The following TSHR variants were observed in gnomAD, a reference collection of about 807,000 sequenced individuals.
TSHR encodes the protein thyroid stimulating hormone receptor.
In TSHR, 51 loss-of-function variants were observed where a neutral mutation model predicts 64.1. The observed-to-expected ratio is 0.80, with a 90% CI of 0.64 to 1.01. TSHR has a LOEUF of 1.01. Ranked by LOEUF, TSHR falls within the 50% of genes least tolerant of loss-of-function variation. The pLI is 0.00. For missense variants in TSHR, 877 were observed against 942.8 expected, an observed-to-expected ratio of 0.93 and a Z score of 0.91; for synonymous variants, 361 against 361.9, an observed-to-expected ratio of 1.00 and a Z score of 0.03.
intron 1 of TSHR, among the ~76,000 whole-genome samples, chr14:80,977,127 G>T (rs1483963421): frequency 6.6e-6 from 1 of 152,236 alleles, no homozygotes; most frequent in African/African-American, 2.4e-5. Flanking sequence ...TCTGTGAAGT[G>T]TGTCTCTCAT....
At chr14:81,085,695 G>A (rs1421100375) in intron 3 of TSHR, among the ~76,000 whole-genome samples, 3 of 152,122 alleles carry the variant, frequency 2.0e-5, no homozygotes, top group Admixed American at 6.6e-5. Context: ...AGGACTACTC[G>A]TTCAACGACA....
intron 1 of TSHR, among the ~76,000 whole-genome samples, chr14:81,007,776 T>A (rs1297920265): frequency 6.6e-6 from 1 of 152,088 alleles, no homozygotes; most frequent in Non-Finnish European, 1.5e-5. Context: ...GTTTGTTCCT[T>A]ATAATCAATG....
intron 1 of TSHR, among the ~76,000 whole-genome samples, chr14:81,030,886 C>G (rs1280496141): frequency 6.6e-6 from 1 of 151,986 alleles, no homozygotes; most frequent in Non-Finnish European, 1.5e-5. Flanking sequence ...GGCAAATGTT[C>G]CTTTTTGGTC....
rs182271009 is a variant in TSHR, at chr14:81,101,163, A to G, written c.614+4456A>G. Among the ~76,000 whole-genome samples, 18 of 152,314 alleles carry G rather than the reference A, an allele frequency of 1.2e-4. No individual in the cohort carries two copies. In the South Asian group the frequency reaches 3.3e-3, roughly 28 times the overall value. ...CCAGGAAACAGATAAGACCAAATAC[A>G]TATTTCACAATATTACACTACTGAA... On this transcript the variant is annotated intron_variant, in intron 7 of 9. Coordinates refer to ENST00000298171, the MANE Select transcript of TSHR (RefSeq NM_000369.5).
intron 8 of TSHR, among the ~76,000 whole-genome samples, chr14:81,123,045 TGAACCTGG>T (rs899917562): frequency 3.9e-4 from 60 of 152,214 alleles, no homozygotes; most frequent in African/African-American, 1.4e-3. Flanking sequence ...GAGAATCGCT[TGAACCTGG>T]GAAGCAGAGG....
intron 1 of TSHR, chr14:81,001,493 T>C: frequency 3.9e-6 from 2 of 517,252 alleles, no homozygotes; most frequent in Admixed American, 3.9e-5. Flanking sequence ...CACCCTTAAG[T>C]TCGGCATTTC....
chr14:81,005,427 A>G (rs1889551821), intron 1 of TSHR, among the ~76,000 whole-genome samples: 1 of 144,464 alleles, frequency 6.9e-6, no homozygotes, highest in South Asian at 2.3e-4. Context: ...TAAAATTATA[A>G]GAGAAAGTTC....
intron 8 of TSHR, among the ~76,000 whole-genome samples, chr14:81,117,061 A>G (rs1233862086): frequency 8.5e-6 from 1 of 117,710 alleles, no homozygotes; most frequent in Non-Finnish European, 1.7e-5. Flanking sequence ...ATAGCACTAA[A>G]TGCCCACAAG....
At chr14:81,017,764 A>G (rs1158328975) in intron 1 of TSHR, among the ~76,000 whole-genome samples, 1 of 151,932 alleles carries the variant, frequency 6.6e-6, no homozygotes, top group African/African-American at 2.4e-5. Flanking sequence ...TCAGGCCTCC[A>G]CATCTCATTT....
chr14:81,012,045 T>A (rs1042309661), intron 1 of TSHR: 1 of 151,974 alleles, frequency 6.6e-6, no homozygotes, highest in Non-Finnish European at 1.5e-5. Context: ...ACCCACTAAC[T>A]CGTCATCTAG....
chr14:81,129,664 C>T (rs987021050), intron 8 of TSHR, among the ~76,000 whole-genome samples: 1 of 152,214 alleles, frequency 6.6e-6, no homozygotes, highest in South Asian at 2.1e-4. Context: ...TCCACTTGAT[C>T]ACCTTGATTT....
chr14:81,006,519 A>T (rs111751735), intron 1 of TSHR, among the ~76,000 whole-genome samples: 95 of 146,542 alleles, frequency 6.5e-4, no homozygotes, highest in Non-Finnish European at 1.2e-3. Flanking sequence ...AATATAGTCA[A>T]TTTTTTTTTT....
At chr14:81,065,522 C>T (rs960047235) in intron 2 of TSHR, among the ~76,000 whole-genome samples, 3 of 152,108 alleles carry the variant, frequency 2.0e-5, no homozygotes, top group African/African-American at 7.2e-5. Context: ...ATAGGAGACA[C>T]CCAGGCAGAT....
At chr14:81,023,479 G>A (rs1480201578) in intron 1 of TSHR, among the ~76,000 whole-genome samples, 1 of 152,122 alleles carries the variant, frequency 6.6e-6, no homozygotes, top group Non-Finnish European at 1.5e-5. Context: ...AAGGTCTTTA[G>A]GACCCTGATG....
At chr14:81,120,028 G>T (rs1259279363) in intron 8 of TSHR, among the ~76,000 whole-genome samples, 1 of 109,390 alleles carries the variant, frequency 9.1e-6, no homozygotes, top group Non-Finnish European at 1.8e-5. Context: ...GGGGACTGTT[G>T]TGGGGTGGGG....
intron 1 of TSHR, chr14:80,983,747 T>C (rs2093938986): frequency 2.6e-6 from 1 of 387,748 alleles, no homozygotes; most frequent in Non-Finnish European, 4.7e-6. Context: ...AAGTTATACA[T>C]TGCATCTTTA....
chr14:81,103,220 G>A lies in TSHR; in HGVS notation c.615-5155G>A. The A allele has an allele frequency of 4.1e-6, 4 of 985,392 alleles. No homozygotes were observed. The highest frequency in any genetic ancestry group is 4.8e-6 in the Non-Finnish European group (4 of 829,904). 61.0% of individuals were successfully genotyped at this position (985,392 alleles called of 1,614,324 possible). A position where few individuals can be genotyped will look rare whatever the true frequency, so the allele number is the denominator to read the frequency against. On this transcript the variant is annotated intron_variant, in intron 7 of 9. Transcript: ENST00000298171. The surrounding 1 kb of genome is among the most constrained non-coding windows in gnomAD (Gnocchi z 4.1). ...ATTCACATTGTGTTTTTAACATAGG[G>A]ATGTTGCTTTTGGTGTCAATGCTAA...
intron 3 of TSHR, among the ~76,000 whole-genome samples, chr14:81,072,692 G>T (rs549369575): frequency 6.6e-6 from 1 of 151,932 alleles, no homozygotes; most frequent in Non-Finnish European, 1.5e-5. Flanking sequence ...TTTAATACTC[G>T]CTGTATGCTG....
chr14:81,130,967 C>T lies in TSHR; in HGVS notation c.693-8712C>T, dbSNP rs1329413578. Among the ~76,000 whole-genome samples the T allele has an allele frequency of 1.7e-4, 23 of 136,094 alleles. 3 individuals are homozygous for T. The highest frequency in any genetic ancestry group is 6.9e-4 in the East Asian group (3 of 4,332). The allele number at this position is 136,094 out of a possible 152,430, so 89.3% of individuals were successfully genotyped here. On this transcript the variant is annotated intron_variant, in intron 8 of 9. Coordinates refer to ENST00000298171, the MANE Select transcript of TSHR (RefSeq NM_000369.5). Reference sequence around the variant, plus strand: ...GATTGCGCCACTGCAGTCCGCAGTCCGGCCTGGGCGACAGAGCGAGACTCC... The same window carrying T: ...GATTGCGCCACTGCAGTCCGCAGTCTGGCCTGGGCGACAGAGCGAGACTCC...
Sources: allele counts gnomAD v4.1 joint callset (sites outside exome capture counted in the v4.1 genomes callset), GRCh38; gene constraint gnomAD v4.1.1; non-coding constraint Gnocchi (gnomAD v3.1); transcripts MANE v1.5; gene names NCBI Gene and HGNC (gene_info 2026-07-23, HGNC 2026-07-21).